The following SP140L variants were observed in gnomAD, a reference collection of about 807,000 sequenced individuals.
SP140L encodes nuclear body protein SP140-like protein.
In SP140L, 64 loss-of-function variants were observed where a neutral mutation model predicts 84.3. That is an observed-to-expected ratio of 0.76 (90% CI 0.62 to 0.94). The LOEUF is 0.94. Ranked by LOEUF, SP140L falls within the 40% of genes least tolerant of loss-of-function variation. The probability of loss-of-function intolerance (pLI) is 0.00; values close to 1 mark genes in which losing one functional copy is unlikely to be tolerated. For synonymous variants in SP140L, 242 were observed against 236.9 expected (o/e 1.02, Z -0.20); for missense variants, 628 against 692.5 (o/e 0.91, Z 1.05).
chr2:230,336,583 G>A (rs189131983), intron 2 of SP140L, among the ~76,000 whole-genome samples: 4 of 152,286 alleles, frequency 2.6e-5, no homozygotes, highest in Admixed American at 2.0e-4. Flanking sequence ...ATTTTTTAAT[G>A]TACTGAAACA....
chr2:230,342,349 G>T (rs565103565), intron 2 of SP140L, among the ~76,000 whole-genome samples: 32 of 152,282 alleles, frequency 2.1e-4, no homozygotes, highest in African/African-American at 7.5e-4. Flanking sequence ...CCCTGCTTCC[G>T]CTCGCGCACG....
intron 2 of SP140L, among the ~76,000 whole-genome samples, chr2:230,329,713 A>C (rs937959018): frequency 7.9e-5 from 12 of 152,184 alleles, no homozygotes; most frequent in African/African-American, 2.7e-4. Flanking sequence ...AGGCCTCCCC[A>C]GCCATGCAGA....
chr2:230,397,029 T>C (rs1007436898), intron 14 of SP140L, among the ~76,000 whole-genome samples: 1 of 152,196 alleles, frequency 6.6e-6, no homozygotes, highest in African/African-American at 2.4e-5. Flanking sequence ...CCAATATCCT[T>C]ACTTCCTTAT....
At chr2:230,354,394 G>A (rs150939142) in intron 2 of SP140L, among the ~76,000 whole-genome samples, 14 of 152,268 alleles carry the variant, frequency 9.2e-5, no homozygotes, top group African/African-American at 3.1e-4. Flanking sequence ...GAAATAGATA[G>A]GTAGGAAAGT....
intron 2 of SP140L, among the ~76,000 whole-genome samples, chr2:230,342,475 T>C (rs2060083738): frequency 6.6e-6 from 1 of 152,240 alleles, no homozygotes; most frequent in Non-Finnish European, 1.5e-5. Context: ...CGCTGGGAGC[T>C]GTAGACCGGA....
At chr2:230,347,738 C>T (rs1046241877) in intron 2 of SP140L, among the ~76,000 whole-genome samples, 2 of 152,210 alleles carry the variant, frequency 1.3e-5, no homozygotes, top group African/African-American at 4.8e-5. Context: ...TTCCCTGGTC[C>T]AACAAGACAG....
At chr2:230,331,361 C>A (rs923664835) in intron 2 of SP140L, among the ~76,000 whole-genome samples, 11 of 152,218 alleles carry the variant, frequency 7.2e-5, no homozygotes, top group Admixed American at 3.3e-4. Flanking sequence ...TTCAGGCATC[C>A]GCTGGGGATC....
Position 230,400,937 on chromosome 2 carries a change from C to A in SP140L, c.1314-18C>A, listed in dbSNP as rs1229417220. On this transcript the variant is annotated intron_variant, in intron 15 of 18. Coordinates refer to ENST00000415673, the MANE Select transcript of SP140L (RefSeq NM_138402.6). ...TCCAAGCTCCCTGCCCTCTGCTCAC[C>A]CATGTCCAATCTCTCAGGACCCCGT... is the stretch of plus-strand genomic sequence containing the variant. The A allele has an allele frequency of 1.3e-6, 2 of 1,485,390 alleles. No individual in the cohort carries two copies. The highest frequency in any genetic ancestry group is 2.8e-5 in the African/African-American group (2 of 71,198). The allele number at this position is 1,485,390 out of a possible 1,614,324, so 92.0% of individuals were successfully genotyped here. A position where few individuals can be genotyped will look rare whatever the true frequency, so the allele number is the denominator to read the frequency against.
intron 5 of SP140L, 70 bp downstream of exon 5, chr2:230,361,767 C>A: frequency 8.2e-7 from 1 of 1,215,194 alleles, no homozygotes; most frequent in Non-Finnish European, 1.2e-6. Flanking sequence ...GGTGAGGGCC[C>A]AAGGTCCTGA....
chr2:230,351,847 A>T (rs770116628), intron 2 of SP140L, among the ~76,000 whole-genome samples: 8 of 152,084 alleles, frequency 5.3e-5, no homozygotes, highest in Non-Finnish European at 8.8e-5. Flanking sequence ...GCCTTTTGTC[A>T]TGTTACCCAG....
intron 7 of SP140L, among the ~76,000 whole-genome samples, chr2:230,375,793 T>C (rs2061224400): frequency 6.6e-6 from 1 of 152,172 alleles, no homozygotes; most frequent in Non-Finnish European, 1.5e-5. Context: ...GTGAGTTCCT[T>C]ATATATTCTG....
At chr2:230,344,396 G>A (rs1253071728) in intron 2 of SP140L, among the ~76,000 whole-genome samples, 1 of 152,108 alleles carries the variant, frequency 6.6e-6, no homozygotes, top group Non-Finnish European at 1.5e-5. Context: ...CCTTGGTTTT[G>A]AGCCTATGTG....
Position 230,329,580 on chromosome 2 carries a change from G to A in SP140L, c.107+749G>A, listed in dbSNP as rs1241647371. Among the ~76,000 whole-genome samples the A allele has an allele frequency of 3.3e-5, 5 of 152,200 alleles. No individual in the cohort carries two copies. The East Asian group carries it at 7.7e-4, about 23-fold the overall frequency. On this transcript the variant is annotated intron_variant, in intron 2 of 18. Transcript: ENST00000415673. ...TCCCATGCTATTCTCATGACAGTGA[G>A]TGAATTCTCCCAAGATCTGATGGTT... is the stretch of plus-strand genomic sequence containing the variant.
At chr2:230,339,281 C>T (rs1386489056) in intron 2 of SP140L, among the ~76,000 whole-genome samples, 6 of 151,778 alleles carry the variant, frequency 4.0e-5, no homozygotes, top group African/African-American at 1.4e-4. Context: ...AGTTTATTTG[C>T]GTAGAGGTGT....
At chr2:230,399,384 T>C (rs2062204986) in intron 14 of SP140L, among the ~76,000 whole-genome samples, 1 of 152,232 alleles carries the variant, frequency 6.6e-6, no homozygotes, top group Non-Finnish European at 1.5e-5. Context: ...CCAGCTCTTT[T>C]ATGGGCCCAG....
intron 2 of SP140L, 63 bp downstream of exon 2, chr2:230,328,894 CT>C (rs2059651758): frequency 6.5e-7 from 1 of 1,542,950 alleles, no homozygotes; most frequent in Admixed American, 2.0e-5. Flanking sequence ...AGCTGAACAG[CT>C]TTTCATGTTT....
intron 2 of SP140L, among the ~76,000 whole-genome samples, chr2:230,356,386 A>G (rs1297423358): frequency 6.6e-6 from 1 of 152,218 alleles, no homozygotes; most frequent in African/African-American, 2.4e-5. Flanking sequence ...ACTGTGGTAG[A>G]TTCACACAAT....
rs2060599408 is a variant in SP140L at position 230,357,942 on chromosome 2, A to C, written c.245A>C (p.Glu82Ala). The change falls in exon 3 of 19, where the codon GAA becomes GCA. Residue 82 changes from glutamate to alanine, a missense_variant. By Grantham distance (107) the Glu-to-Ala change is moderately radical (BLOSUM62 -1). Transcript: ENST00000415673. ...FPFLEGLRDRELITNKMFEDS... is the reference protein window; with the variant it reads ...FPFLEGLRDRALITNKMFEDS... ...TTCCTTGAGGGCCTCCGCGATCGGG[A>C]ACTCATCACAAATAAAATGTTTGAA... 1 of 1,613,486 alleles carries C rather than the reference A, an allele frequency of 6.2e-7. No individual in the cohort carries two copies. Among genetic ancestry groups the C allele is most frequent in the Non-Finnish European group, 8.5e-7 (1 of 1,179,748 alleles).
At chr2:230,338,019 C>T (rs2059928744) in intron 2 of SP140L, among the ~76,000 whole-genome samples, 1 of 148,278 alleles carries the variant, frequency 6.7e-6, no homozygotes, top group Non-Finnish European at 1.5e-5. Flanking sequence ...TAGTTTTTTC[C>T]AGTTCTGTGA....
Sources: gnomAD v4.1 joint callset for allele counts (sites outside exome capture counted in the v4.1 genomes callset) on GRCh38, gnomAD v4.1.1 for gene constraint, MANE v1.5 for transcripts, NCBI Gene and HGNC (gene_info 2026-07-23, HGNC 2026-07-21) for gene names.